Variants in OPA1 observed in about 807,000 individuals in gnomAD.
OPA1 encodes the protein OPA1 mitochondrial dynamin like GTPase.
OPA1 carries 59 observed loss-of-function variants against 152.9 expected under a neutral mutation model. The ratio of observed to expected loss-of-function variants is 0.39; its 90% CI spans 0.31 to 0.48. The LOEUF (loss-of-function observed/expected upper bound fraction) is 0.48, where lower values mean the gene tolerates loss of function less well. Among genes scored for constraint, OPA1 ranks in the 20% least tolerant of loss-of-function variants. The probability of loss-of-function intolerance (pLI) is 0.96; values close to 1 mark genes in which losing one functional copy is unlikely to be tolerated. For synonymous variants in OPA1, 400 were observed against 389.9 expected, an observed-to-expected ratio of 1.03 and a Z score of -0.31; for missense variants, 1,008 against 1,216.8, an observed-to-expected ratio of 0.83 and a Z score of 2.55.
chr3:193,652,465 A>T (rs1712748215), intron 21 of OPA1, among the ~76,000 whole-genome samples: 1 of 152,092 alleles, frequency 6.6e-6, no homozygotes, highest in South Asian at 2.1e-4. Context: ...AAGGTAGCAG[A>T]TGACATAACT....
At chr3:193,645,240 ATTAAG>A (rs1734366012) in intron 16 of OPA1, among the ~76,000 whole-genome samples, 2 of 152,294 alleles carry the variant, frequency 1.3e-5, no homozygotes, top group East Asian at 1.9e-4. Flanking sequence ...TTTTGAAAAA[ATTAAG>A]TTGTTTACTT....
At chr3:193,623,908 A>G (rs1284857901) in intron 6 of OPA1, among the ~76,000 whole-genome samples, 2 of 152,160 alleles carry the variant, frequency 1.3e-5, no homozygotes, top group Non-Finnish European at 1.5e-5. Context: ...TAAGTGTAGT[A>G]TCATGTAAAT....
intron 1 of OPA1, among the ~76,000 whole-genome samples, chr3:193,611,016 C>T (rs1357917497): frequency 3.9e-5 from 6 of 152,326 alleles, no homozygotes; most frequent in Admixed American, 1.3e-4. Context: ...TGCTTTGGCT[C>T]ATGCTCGGTG....
intron 1 of OPA1, among the ~76,000 whole-genome samples, chr3:193,603,272 C>T (rs1354656305): frequency 6.6e-6 from 1 of 152,138 alleles, no homozygotes; most frequent in Non-Finnish European, 1.5e-5. Context: ...CTTTTAGATA[C>T]CAGTTTTGTT....
rs752981898 is a variant in OPA1 at position 193,642,780 on chromosome 3, G to A, written c.1165G>A (p.Gly389Ser). Residue 389 changes from glycine (G) to serine (S), a missense_variant, in exon 12 of 31, where the codon GGT (glycine) becomes AGT (serine). Physicochemically the swap from Gly to Ser is moderately conservative, Grantham distance 56. Coordinates refer to ENST00000361510, the MANE Select transcript of OPA1 (RefSeq NM_130837.3). Reference sequence around the variant, plus strand: ...TTACTATCAGGTGACTCTGAGTGAAGGTCCTCACCATGTGGCCCTATTTAA... The same window carrying A: ...TTACTATCAGGTGACTCTGAGTGAAAGTCCTCACCATGTGGCCCTATTTAA... ...RSPVKVTLSEGPHHVALFKDS... is the reference protein window; with the variant it reads ...RSPVKVTLSESPHHVALFKDS... 7 of 1,612,318 alleles carry A rather than the reference G, an allele frequency of 4.3e-6. No homozygotes were observed. The Admixed American group carries it at 6.7e-5, about 15-fold the overall frequency.
intron 6 of OPA1, among the ~76,000 whole-genome samples, 161 bp downstream of exon 6, chr3:193,619,097 C>T (rs182340624): frequency 3.3e-5 from 5 of 152,296 alleles, no homozygotes; most frequent in Non-Finnish European, 5.9e-5. Flanking sequence ...CAAGGTATTA[C>T]GTGGCAGTTC....
rs1398225496 is a variant in OPA1 at position 193,697,549 on chromosome 3, G to T, written c.*2949G>T. ...CACATTATAATTCTATTATTGGAGA[G>T]CATCTTTTAAATTTTTTTCTGTTTT... is the stretch of plus-strand genomic sequence containing the variant. On this transcript the variant is annotated 3_prime_UTR_variant, in exon 31 of 31. Transcript: ENST00000361510. 2.0e-5 allele frequency: 3 copies of T among 152,120 alleles called. No homozygotes were observed. The highest frequency in any genetic ancestry group is 7.2e-5 in the African/African-American group (3 of 41,412). 9.4% of individuals were successfully genotyped at this position (152,120 alleles called of 1,614,324 possible). A position where few individuals can be genotyped will look rare whatever the true frequency, so the allele number is the denominator to read the frequency against.
chr3:193,683,420 G>A (rs1019044613), intron 29 of OPA1, among the ~76,000 whole-genome samples: 4 of 152,004 alleles, frequency 2.6e-5, no homozygotes, highest in Non-Finnish European at 4.4e-5. Context: ...CAGCTGCAGG[G>A]TTTGAGAAGA....
intron 7 of OPA1, among the ~76,000 whole-genome samples, chr3:193,627,858 C>A (rs1006422612): frequency 1.3e-5 from 2 of 152,086 alleles, no homozygotes; most frequent in Non-Finnish European, 2.9e-5. Context: ...CTCCCTTTCC[C>A]GATTTGTAAA....
At chr3:193,668,082 T>A (rs1717043064) in intron 29 of OPA1, among the ~76,000 whole-genome samples, 1 of 152,218 alleles carries the variant, frequency 6.6e-6, no homozygotes, top group Non-Finnish European at 1.5e-5. Flanking sequence ...CACTGACATC[T>A]GTATTCCTAA....
rs1716167831 is a variant in OPA1, at chr3:193,664,898, C to G, written c.2680C>G (p.Gln894Glu). The G allele has an allele frequency of 6.3e-7, 1 of 1,588,724 alleles. No homozygotes were observed. The highest frequency in any genetic ancestry group is 2.2e-5 in the East Asian group (1 of 44,604). The change falls in exon 27 of 31, where the codon CAA becomes GAA. Residue 894 changes from glutamine (Q) to glutamate (E), a missense_variant. Gln to Glu is a conservative substitution (Grantham distance 29). Coordinates refer to ENST00000361510, the MANE Select transcript of OPA1 (RefSeq NM_130837.3). ...DPSLIKDTWHQVYRRHFLKTA... is the reference protein window; with the variant it reads ...DPSLIKDTWHEVYRRHFLKTA... ...ATTTTAGATTAAGGATACTTGGCAT[C>G]AAGTTTATAGAAGACATTTTTTAAA...
intron 23 of OPA1, among the ~76,000 whole-genome samples, chr3:193,657,656 A>G (rs367743745): frequency 3.2e-4 from 49 of 152,318 alleles, no homozygotes; most frequent in African/African-American, 1.0e-3. Context: ...AATGCTTACT[A>G]TGTGCCAGGA....
At chr3:193,602,225 G>C (rs1483670286) in intron 1 of OPA1, among the ~76,000 whole-genome samples, 1 of 152,056 alleles carries the variant, frequency 6.6e-6, no homozygotes, top group Middle Eastern at 3.2e-3. Context: ...GAGTCTGAGG[G>C]GGCCCTTTTG....
At chr3:193,637,385 CTAGA>C in intron 10 of OPA1, 104 bp downstream of exon 10, 3 of 612,746 alleles carry the variant, frequency 4.9e-6, no homozygotes, top group East Asian at 2.9e-5. Context: ...TATATACATA[CTAGA>C]TGTAGGCATT....
At chr3:193,671,545 G>A (rs995542010) in intron 29 of OPA1, among the ~76,000 whole-genome samples, 2 of 152,072 alleles carry the variant, frequency 1.3e-5, no homozygotes, top group African/African-American at 4.8e-5. Context: ...TATTTGAAGG[G>A]GATCCGAGGG....
intron 29 of OPA1, among the ~76,000 whole-genome samples, chr3:193,671,755 T>G (rs764338047): frequency 5.9e-5 from 9 of 152,190 alleles, no homozygotes; most frequent in Admixed American, 6.5e-5. Context: ...TGTTTATGCA[T>G]AAAAGGTTAA....
At chr3:193,687,643 A>T (rs542188011) in intron 29 of OPA1, among the ~76,000 whole-genome samples, 5 of 152,362 alleles carry the variant, frequency 3.3e-5, no homozygotes, top group African/African-American at 9.6e-5. Context: ...AATCTGAAGG[A>T]TCGGAAAGTA....
chr3:193,680,117 C>A (rs978640626), intron 29 of OPA1, among the ~76,000 whole-genome samples: 2 of 152,112 alleles, frequency 1.3e-5, no homozygotes, highest in Admixed American at 6.5e-5. Flanking sequence ...TTTCATCTCA[C>A]CTAATTCATA....
chr3:193,647,080 G>A lies in OPA1; in HGVS notation c.1770G>A (p.Lys590=). ...TTTTTAATAGGACAAGCATGCTAAA[G>A]GCACACCAAGTGACTACAAGAAATT... The part of the protein sequence containing the change: ...NSKLLKTSML[K]AHQVTTRNLS... Residue 590 remains lysine (K), a synonymous_variant, in exon 19 of 31, where the codon AAG becomes AAA. Coordinates refer to ENST00000361510, the MANE Select transcript of OPA1 (RefSeq NM_130837.3). The A allele has an allele frequency of 2.5e-6, 4 of 1,611,342 alleles. No individual in the cohort carries two copies. The highest frequency in any genetic ancestry group is 3.4e-6 in the Non-Finnish European group (4 of 1,178,666).
Sources: allele counts gnomAD v4.1 joint callset (sites outside exome capture counted in the v4.1 genomes callset), GRCh38; gene constraint gnomAD v4.1.1; transcripts MANE v1.5; gene names NCBI Gene and HGNC (gene_info 2026-07-23, HGNC 2026-07-21).